CMKLR1: variants seen among roughly 807,000 people sequenced by gnomAD.
CMKLR1 encodes chemerin chemokine-like receptor 1, also known as chemerin-like receptor 1.
In CMKLR1, 6 loss-of-function variants were observed where a neutral mutation model predicts 8.2. The observed-to-expected ratio is 0.73, with a 90% CI of 0.40 to 1.44. The LOEUF (loss-of-function observed/expected upper bound fraction) is 1.44, where lower values mean the gene tolerates loss of function less well. CMKLR1 is among the 40% of genes most tolerant of loss of function. CMKLR1 has a pLI of 0.02. For missense variants in CMKLR1, 429 were observed against 478.0 expected (o/e 0.90, Z 0.96); for synonymous variants, 178 against 181.2 (o/e 0.98, Z 0.14).
At chr12:108,318,887 C>A (rs929659503) in intron 2 of CMKLR1, among the ~76,000 whole-genome samples, 59 of 152,176 alleles carry the variant, frequency 3.9e-4, no homozygotes, top group African/African-American at 1.3e-3. Flanking sequence ...TGTGGAGACA[C>A]CCCTCCCCTC....
At chr12:108,308,038 G>C (rs777549217) in intron 2 of CMKLR1, among the ~76,000 whole-genome samples, 4 of 152,156 alleles carry the variant, frequency 2.6e-5, no homozygotes, top group African/African-American at 7.2e-5. Flanking sequence ...TGAGCACGTG[G>C]GTAGAATCAG....
At chr12:108,293,041 T>A in intron 3 of CMKLR1, 82 bp from the exon 4 acceptor site, 1 of 1,322,206 alleles carries the variant, frequency 7.6e-7, no homozygotes, top group Admixed American at 2.2e-5. Flanking sequence ...ACCAACAATG[T>A]TCCCCCTGAC....
In CMKLR1 at chr12:108,292,410, C is replaced by T; in HGVS notation, c.553G>A (p.Gly185Arg). ...AAGTTGTTGAAGCAGGATATTTTCC[C>T]ATGCAGGTTGGCTGTGTCCCGGAAG... ...LVFRDTANLH[G>R]KISCFNNFSL... is the part of the protein sequence containing the mutation. Residue 185 changes from glycine (G) to arginine (R), a missense_variant, in exon 4 of 4, where the codon GGG becomes AGG. By Grantham distance (125) the Gly-to-Arg change is moderately radical. Coordinates refer to ENST00000550402, the MANE Select transcript of CMKLR1 (RefSeq NM_001142343.2). The T allele has an allele frequency of 6.2e-7, 1 of 1,614,104 alleles. No homozygotes were observed. The highest frequency in any genetic ancestry group is 8.5e-7 in the Non-Finnish European group (1 of 1,180,028).
At chr12:108,304,572 T>C (rs550315437) in intron 2 of CMKLR1, among the ~76,000 whole-genome samples, 4 of 152,324 alleles carry the variant, frequency 2.6e-5, no homozygotes, top group Admixed American at 2.0e-4. Flanking sequence ...TTGTTCTTTC[T>C]GCCTCTCTCT....
chr12:108,306,806 C>T (rs1025668586), intron 2 of CMKLR1, among the ~76,000 whole-genome samples: 8 of 152,252 alleles, frequency 5.3e-5, no homozygotes, highest in African/African-American at 1.2e-4. Context: ...CATGAGAACA[C>T]GCCCTTGCAA....
intron 2 of CMKLR1, among the ~76,000 whole-genome samples, chr12:108,295,988 C>A (rs1891123185): frequency 6.6e-6 from 1 of 152,192 alleles, no homozygotes; most frequent in African/African-American, 2.4e-5. Context: ...CCTCATCCTT[C>A]CAGGAATTGA....
chr12:108,288,366 TC>T lies in CMKLR1; in HGVS notation c.*3474del, dbSNP rs1890860295. On this transcript the variant is annotated 3_prime_UTR_variant, in exon 4 of 4. Coordinates refer to ENST00000550402, the MANE Select transcript of CMKLR1 (RefSeq NM_001142343.2). The stretch of plus-strand genomic sequence containing the variant: ...GGAAGCTCTCAAAACCTCAGTTCCC[TC>T]ATCTGTGAAATGGGAGACATCTGGG... 6.6e-6 allele frequency: 1 copy of T among 152,240 alleles called. No individual in the cohort carries two copies. Among genetic ancestry groups the T allele is most frequent in the South Asian group, 2.1e-4 (1 of 4,830 alleles). 9.4% of individuals were successfully genotyped at this position (152,240 alleles called of 1,614,324 possible).
At chr12:108,300,145 T>C (rs1206875751) in intron 2 of CMKLR1, among the ~76,000 whole-genome samples, 1 of 152,166 alleles carries the variant, frequency 6.6e-6, no homozygotes, top group Non-Finnish European at 1.5e-5. Flanking sequence ...TCTCTTACAC[T>C]ATGGACCAGG....
chr12:108,328,754 G>A (rs1031789558), intron 2 of CMKLR1, among the ~76,000 whole-genome samples: 3 of 152,226 alleles, frequency 2.0e-5, no homozygotes, highest in Admixed American at 6.5e-5. Context: ...ATAGCTAGGA[G>A]GCCGGGGGGC....
chr12:108,305,604 A>C (rs1456957698), intron 2 of CMKLR1, among the ~76,000 whole-genome samples: 1 of 152,200 alleles, frequency 6.6e-6, no homozygotes, highest in Non-Finnish European at 1.5e-5. Context: ...AGACACCTCC[A>C]GATCCCTGTA....
intron 2 of CMKLR1, among the ~76,000 whole-genome samples, chr12:108,319,733 C>T (rs1306262604): frequency 6.6e-6 from 1 of 152,096 alleles, no homozygotes; most frequent in African/African-American, 2.4e-5. Flanking sequence ...ATGAATCTTA[C>T]CATTATATGA....
At chr12:108,294,354 C>T (rs1221424515) in intron 2 of CMKLR1, among the ~76,000 whole-genome samples, 1 of 152,200 alleles carries the variant, frequency 6.6e-6, no homozygotes, top group Non-Finnish European at 1.5e-5. Context: ...ACTTAAGTGG[C>T]ACTTTAAACA....
At chr12:108,316,193 G>A (rs1891722689) in intron 2 of CMKLR1, among the ~76,000 whole-genome samples, 1 of 152,232 alleles carries the variant, frequency 6.6e-6, no homozygotes, top group Admixed American at 6.5e-5. Context: ...TGAGCCCTGT[G>A]TGGCTGCACT....
chr12:108,310,517 C>A (rs992083686), intron 2 of CMKLR1, among the ~76,000 whole-genome samples: 2 of 152,138 alleles, frequency 1.3e-5, no homozygotes, highest in African/African-American at 4.8e-5. Flanking sequence ...ATCAGAGAGC[C>A]AGGAAGCCAA....
intron 2 of CMKLR1, among the ~76,000 whole-genome samples, chr12:108,296,902 G>A (rs1408171267): frequency 6.6e-6 from 1 of 152,116 alleles, no homozygotes; most frequent in Non-Finnish European, 1.5e-5. Context: ...GTGGGGGTAA[G>A]AACACCTTCC....
chr12:108,313,638 T>TCAAACTGGAATGTC (rs903906129), intron 2 of CMKLR1, among the ~76,000 whole-genome samples: 6 of 152,162 alleles, frequency 3.9e-5, no homozygotes, highest in Non-Finnish European at 7.3e-5. Flanking sequence ...TGTAAAGTGC[T>TCAAACTGGAATGTC]CAAACTGGAA....
chr12:108,315,715 TAC>T (rs1891706313), intron 2 of CMKLR1, among the ~76,000 whole-genome samples: 1 of 152,214 alleles, frequency 6.6e-6, no homozygotes, highest in African/African-American at 2.4e-5. Flanking sequence ...CACAGATGGC[TAC>T]TTTCACTACC....
At chr12:108,338,711 A>G (rs987047270) in intron 1 of CMKLR1, among the ~76,000 whole-genome samples, 28 of 152,370 alleles carry the variant, frequency 1.8e-4, no homozygotes, top group African/African-American at 5.5e-4. Flanking sequence ...AAATAATCTT[A>G]AGATAGCCTT....
chr12:108,336,698 T>C (rs145142717), intron 1 of CMKLR1, among the ~76,000 whole-genome samples: 1 of 152,334 alleles, frequency 6.6e-6, no homozygotes, highest in East Asian at 1.9e-4. Context: ...TGAAATAAGC[T>C]TTTGGTTTTC....
Sources: gnomAD v4.1 joint callset for allele counts (sites outside exome capture counted in the v4.1 genomes callset) on GRCh38, gnomAD v4.1.1 for gene constraint, MANE v1.5 for transcripts, NCBI Gene and HGNC (gene_info 2026-07-23, HGNC 2026-07-21) for gene names.